The following EIPR1 variants were observed in gnomAD, a reference collection of about 807,000 sequenced individuals.
The protein encoded by EIPR1 is EARP complex and GARP complex interacting protein 1.
Under a neutral mutation model 48.1 loss-of-function variants are expected in EIPR1, and 25 were observed. The observed-to-expected ratio is 0.52, with a 90% confidence interval of 0.38 to 0.73. The LOEUF (loss-of-function observed/expected upper bound fraction) is 0.73. EIPR1 is among the 30% of genes least tolerant of loss of function. The pLI, the probability that EIPR1 is intolerant of heterozygous loss-of-function variation, is 0.00. For synonymous variants in EIPR1, 204 were observed against 201.9 expected, an observed-to-expected ratio of 1.01 and a Z score of -0.09; for missense variants, 415 against 506.2, an observed-to-expected ratio of 0.82 and a Z score of 1.73.
At chr2:3,227,607 T>C (rs1346339060) in intron 4 of EIPR1, among the ~76,000 whole-genome samples, 3 of 152,246 alleles carry the variant, frequency 2.0e-5, no homozygotes, top group Non-Finnish European at 4.4e-5. Context: ...AGTCGAATGT[T>C]AATCACCAAC....
chr2:3,212,642 G>A (rs1052099375), intron 5 of EIPR1, among the ~76,000 whole-genome samples: 2 of 152,314 alleles, frequency 1.3e-5, no homozygotes, highest in South Asian at 4.1e-4. Context: ...CTTCCACCAT[G>A]ACCAGGACTC....
chr2:3,217,988 T>G (rs1665696320), intron 4 of EIPR1, among the ~76,000 whole-genome samples: 1 of 152,076 alleles, frequency 6.6e-6, no homozygotes, highest in African/African-American at 2.4e-5. Flanking sequence ...CCTGGTACAC[T>G]CTAGAGTGTT....
chr2:3,192,455 G>A lies in EIPR1; in HGVS notation c.948C>T (p.Asp316=), dbSNP rs371238368. ...SSEPFGHLVD[D]DDISDQEDHR... ...GGTCCTCCTGGTCACTGATGTCATC[G>A]TCGTCTACCAAGTGGCCGAAGGGCT... is the stretch of plus-strand genomic sequence containing the variant. Residue 316 remains aspartate (D), a synonymous_variant, in exon 8 of 9, where the codon GAC becomes GAT. Transcript: ENST00000382125. The A allele has an allele frequency of 1.7e-5, 27 of 1,612,700 alleles. No homozygotes were observed. The highest frequency in any genetic ancestry group is 2.2e-5 in the East Asian group (1 of 44,850).
At chr2:3,348,925 C>A (rs766350684) in intron 2 of EIPR1, among the ~76,000 whole-genome samples, 1 of 152,228 alleles carries the variant, frequency 6.6e-6, no homozygotes, top group Non-Finnish European at 1.5e-5. Flanking sequence ...GCCTTCCCGG[C>A]GTCTCTCCTG....
In EIPR1 at chr2:3,286,005, G is replaced by A. The variant is rs560971215; in HGVS notation, c.260-28550C>T. 7.9e-5 allele frequency among the ~76,000 whole-genome samples: 12 copies of A among 152,360 alleles called. No homozygotes were observed. The South Asian group carries it at 2.5e-3, about 32-fold the overall frequency. On this transcript the variant is annotated intron_variant, in intron 3 of 8. Coordinates refer to ENST00000382125, the MANE Select transcript of EIPR1 (RefSeq NM_003310.5). This position sits in a 1 kb window ranked among gnomAD's most constrained non-coding sequence, Gnocchi z 4.2. The stretch of plus-strand genomic sequence containing the variant: ...TTTGGAAGCAGTGCCCTGCCCTGAG[G>A]ACATGGGGCAGCCGGCTGTAGGTGT...
chr2:3,342,646 T>C (rs1362760388), intron 2 of EIPR1, among the ~76,000 whole-genome samples: 4 of 152,234 alleles, frequency 2.6e-5, no homozygotes, highest in Non-Finnish European at 5.9e-5. Flanking sequence ...AAGGCACAGC[T>C]TTCCAATGGG....
At chr2:3,212,543 A>T (rs1321500715) in intron 5 of EIPR1, among the ~76,000 whole-genome samples, 1 of 152,198 alleles carries the variant, frequency 6.6e-6, no homozygotes, top group Non-Finnish European at 1.5e-5. Flanking sequence ...TTAATAGGAA[A>T]GTATTTTCCT....
chr2:3,367,930 A>G (rs1348818133), intron 1 of EIPR1, among the ~76,000 whole-genome samples: 1 of 152,168 alleles, frequency 6.6e-6, no homozygotes, highest in Non-Finnish European at 1.5e-5. Context: ...CTGTAGACCC[A>G]GCTACTCAGG....
chr2:3,220,400 T>C (rs1012243158), intron 4 of EIPR1, among the ~76,000 whole-genome samples: 1 of 151,514 alleles, frequency 6.6e-6, no homozygotes, highest in African/African-American at 2.4e-5. Flanking sequence ...ACAATGGCTG[T>C]AGTACATTCT....
rs542298795 is a variant in EIPR1 at position 3,214,024 on chromosome 2, G to A, written c.516+125C>T. On this transcript the variant is annotated intron_variant, in intron 5 of 8. Coordinates refer to ENST00000382125, the MANE Select transcript of EIPR1 (RefSeq NM_003310.5). ...CTCCCCCAACCCCACGACAGGCCCT[G>A]GTGTGTGATGTTCCCCACCCTGTGT... is the stretch of plus-strand genomic sequence containing the variant. 44 of 570,462 alleles carry A rather than the reference G, an allele frequency of 7.7e-5. 1 individual carries two copies. Among genetic ancestry groups the A allele is most frequent in the East Asian group, 3.8e-4 (9 of 23,378 alleles). 35.3% of individuals were successfully genotyped at this position (570,462 alleles called of 1,614,324 possible).
rs575038675 is a variant in EIPR1, at chr2:3,219,111, C to G, written c.417-4863G>C. On this transcript the variant is annotated intron_variant, in intron 4 of 8. Transcript: ENST00000382125. ...GCATTCACAGTGACTCAGGTGCACA[C>G]CCAGCATGGCCCTGGTATACTCTAG... Among the ~76,000 whole-genome samples the G allele has an allele frequency of 1.5e-3, 227 of 149,668 alleles. 1 individual carries two copies. The highest frequency in any genetic ancestry group is 3.1e-3 in the Admixed American group (47 of 15,046).
intron 3 of EIPR1, chr2:3,274,429 A>G (rs906611747): frequency 1.9e-6 from 3 of 1,550,444 alleles, no homozygotes; most frequent in African/African-American, 2.7e-5. Context: ...GCTAGAAAAA[A>G]AGTCAGGGCA....
intron 3 of EIPR1, among the ~76,000 whole-genome samples, chr2:3,306,119 C>G (rs1479575154): frequency 6.6e-6 from 1 of 152,224 alleles, no homozygotes; most frequent in Non-Finnish European, 1.5e-5. Context: ...GGGCACCCAG[C>G]GCAGACGCAT....
intron 3 of EIPR1, among the ~76,000 whole-genome samples, chr2:3,322,275 G>C (rs575194034): frequency 1.1e-4 from 16 of 152,318 alleles, no homozygotes; most frequent in Admixed American, 9.8e-4. Context: ...TGGCTGTGTC[G>C]CTCATGTCTG....
intron 3 of EIPR1, among the ~76,000 whole-genome samples, chr2:3,325,110 A>G (rs890311834): frequency 4.6e-5 from 7 of 152,206 alleles, no homozygotes; most frequent in African/African-American, 1.7e-4. Flanking sequence ...TCTGGTTCCC[A>G]GGGAGACAGA....
chr2:3,368,571 C>G, intron 1 of EIPR1, among the ~76,000 whole-genome samples: 1 of 152,206 alleles, frequency 6.6e-6, no homozygotes, highest in South Asian at 2.1e-4. Context: ...CATCACAAGG[C>G]AAGTTTGCCA....
chr2:3,329,932 C>T (rs185722487), intron 3 of EIPR1, among the ~76,000 whole-genome samples: 1 of 149,634 alleles, frequency 6.7e-6, no homozygotes, highest in East Asian at 2.0e-4. Context: ...TCTCAGGGTA[C>T]TAGCCTGGAC....
chr2:3,261,679 G>A (rs1015042921), intron 3 of EIPR1: 1 of 152,252 alleles, frequency 6.6e-6, no homozygotes, highest in African/African-American at 2.4e-5. Flanking sequence ...GGGGATGCCA[G>A]GTGATAAGTA....
intron 4 of EIPR1, among the ~76,000 whole-genome samples, chr2:3,238,697 C>G (rs1424516338): frequency 6.6e-6 from 1 of 152,178 alleles, no homozygotes; most frequent in African/African-American, 2.4e-5. Context: ...GAACCTTCGC[C>G]GTTCATTTCT....
Sources: gnomAD v4.1 joint callset for allele counts (sites outside exome capture counted in the v4.1 genomes callset) on GRCh38, gnomAD v4.1.1 for gene constraint, Gnocchi (gnomAD v3.1) non-coding constraint, MANE v1.5 for transcripts, NCBI Gene and HGNC (gene_info 2026-07-23, HGNC 2026-07-21) for gene names.